Variants in AK5 observed in about 807,000 individuals in gnomAD.
AK5 encodes adenylate kinase isoenzyme 5.
AK5 carries 27 observed loss-of-function variants against 69.5 expected under a neutral mutation model. The observed-to-expected ratio is 0.39, with a 90% CI of 0.29 to 0.54. The LOEUF is 0.54. AK5 is among the 20% of genes least tolerant of loss of function. The pLI, the probability that AK5 is intolerant of heterozygous loss-of-function variation, is 0.71. For missense variants in AK5, 531 were observed against 700.4 expected (o/e 0.76, Z 2.73); for synonymous variants, 260 against 244.4 (o/e 1.06, Z -0.60).
At chr1:77,334,854 C>T (rs1661268912) in intron 5 of AK5, among the ~76,000 whole-genome samples, 1 of 152,000 alleles carries the variant, frequency 6.6e-6, no homozygotes, top group African/African-American at 2.4e-5. Context: ...GCCTCTTCCC[C>T]TGGGTGGGCC....
intron 2 of AK5, 138 bp from the exon 3 acceptor site, chr1:77,293,655 C>T (rs1190916236): frequency 2.9e-6 from 2 of 698,366 alleles, no homozygotes; most frequent in Non-Finnish European, 4.6e-6. Context: ...AGCCTGCTGA[C>T]CACTTAGGGA....
intron 10 of AK5, among the ~76,000 whole-genome samples, chr1:77,502,425 AT>A (rs775579480): frequency 6.6e-6 from 1 of 151,860 alleles, no homozygotes; most frequent in Non-Finnish European, 1.5e-5. Context: ...CTAACATCTC[AT>A]TGGTCAGGAG....
intron 13 of AK5, among the ~76,000 whole-genome samples, chr1:77,546,073 C>T (rs1262481053): frequency 3.3e-5 from 5 of 152,068 alleles, no homozygotes; most frequent in African/African-American, 4.8e-5. Flanking sequence ...CGTTTTGATT[C>T]GATGCAATAC....
At position 77,311,205 on chromosome 1, in the gene AK5, C is replaced by T. The variant is rs142550752; in HGVS notation, c.699+13258C>T. Among the ~76,000 whole-genome samples, 20 of 152,190 alleles carry T rather than the reference C, an allele frequency of 1.3e-4. 1 individual carries two copies. In the East Asian group the frequency reaches 3.5e-3, roughly 26 times the overall value. ...CACCTGCCTGCCAACTTAGAACATT[C>T]CTTTACTACACTGAGTTCTATTAAA... On this transcript the variant is annotated intron_variant, in intron 5 of 13. Transcript: ENST00000354567.
chr1:77,517,705 T>A (rs1657743582), intron 10 of AK5, among the ~76,000 whole-genome samples: 1 of 151,930 alleles, frequency 6.6e-6, no homozygotes, highest in Non-Finnish European at 1.5e-5. Context: ...AGGAAAAAAA[T>A]AAGGTAATAA....
chr1:77,328,355 C>T (rs1205852983), intron 5 of AK5, among the ~76,000 whole-genome samples: 2 of 152,002 alleles, frequency 1.3e-5, no homozygotes, highest in Non-Finnish European at 2.9e-5. Flanking sequence ...AAAAAATTAG[C>T]CGGGCGTGGT....
Position 77,434,113 on chromosome 1 carries a change from T to C in AK5, c.1059+16398T>C, listed in dbSNP as rs879915139. On this transcript the variant is annotated intron_variant, in intron 8 of 13. Transcript: ENST00000354567. ...AGAAAAATAGAGTGCAAAGCATAAATAAATAAATAAATAAATAAATAAATA... is the reference window on the plus strand; with the variant it reads ...AGAAAAATAGAGTGCAAAGCATAAACAAATAAATAAATAAATAAATAAATA... Among the ~76,000 whole-genome samples, 271 of 94,560 alleles carry C rather than the reference T, an allele frequency of 2.9e-3. No homozygotes were observed. In the East Asian group the frequency reaches 0.047, roughly 16 times the overall value. 62.0% of individuals were successfully genotyped at this position (94,560 alleles called of 152,430 possible).
chr1:77,502,104 T>C (rs1282503962), intron 10 of AK5, among the ~76,000 whole-genome samples: 1 of 152,150 alleles, frequency 6.6e-6, no homozygotes, highest in African/African-American at 2.4e-5. Flanking sequence ...TTTGAATCAG[T>C]TAGGATTTTG....
intron 8 of AK5, among the ~76,000 whole-genome samples, chr1:77,482,664 T>C (rs1003230882): frequency 6.6e-6 from 1 of 150,942 alleles, no homozygotes; most frequent in African/African-American, 2.4e-5. Flanking sequence ...TGCCAGGTAC[T>C]GGGGAGGCTG....
At chr1:77,336,859 T>C (rs1661389821) in intron 5 of AK5, among the ~76,000 whole-genome samples, 1 of 152,162 alleles carries the variant, frequency 6.6e-6, no homozygotes, top group Non-Finnish European at 1.5e-5. Context: ...GGTAATGGTA[T>C]TTTTTTCCTT....
intron 5 of AK5, among the ~76,000 whole-genome samples, chr1:77,302,543 A>G (rs912283060): frequency 5.3e-5 from 8 of 152,222 alleles, no homozygotes; most frequent in African/African-American, 1.9e-4. Context: ...AGGCTTGGGT[A>G]GAAAGGCAGC....
At chr1:77,458,103 TAAAAA>T (rs35612924) in intron 8 of AK5, among the ~76,000 whole-genome samples, 1 of 127,666 alleles carries the variant, frequency 7.8e-6, no homozygotes, top group Admixed American at 8.0e-5. Flanking sequence ...CCCCATTTCT[TAAAAA>T]AAAAAAAAAA....
intron 6 of AK5, among the ~76,000 whole-genome samples, chr1:77,389,389 T>C (rs1648263193): frequency 6.6e-6 from 1 of 152,168 alleles, no homozygotes; most frequent in South Asian, 2.1e-4. Flanking sequence ...TTTCTGTGCC[T>C]TGCTAATAGG....
intron 8 of AK5, among the ~76,000 whole-genome samples, chr1:77,452,053 C>T (rs1653191233): frequency 6.6e-6 from 1 of 152,168 alleles, no homozygotes; most frequent in African/African-American, 2.4e-5. Flanking sequence ...GGAAAATTGC[C>T]ATTATTTCTG....
At chr1:77,545,421 C>A (rs1659490942) in intron 13 of AK5, among the ~76,000 whole-genome samples, 1 of 152,108 alleles carries the variant, frequency 6.6e-6, no homozygotes, top group Non-Finnish European at 1.5e-5. Flanking sequence ...ATATTGTTTT[C>A]TTTTTAATAG....
At chr1:77,367,404 C>T (rs1646970151) in intron 6 of AK5, among the ~76,000 whole-genome samples, 1 of 150,142 alleles carries the variant, frequency 6.7e-6, no homozygotes, top group South Asian at 2.1e-4. Context: ...CCATGGCCCA[C>T]TGAGACCTCC....
intron 13 of AK5, among the ~76,000 whole-genome samples, chr1:77,557,876 G>T (rs769805687): frequency 2.0e-5 from 3 of 152,030 alleles, no homozygotes; most frequent in Non-Finnish European, 4.4e-5. Flanking sequence ...TAAAAATCCT[G>T]TGCTCTACCT....
At chr1:77,339,349 G>A (rs547979032) in intron 5 of AK5, among the ~76,000 whole-genome samples, 4 of 152,202 alleles carry the variant, frequency 2.6e-5, no homozygotes, top group Non-Finnish European at 5.9e-5. Context: ...GTCGTGCTAT[G>A]TTTTAAATGC....
At chr1:77,386,271 T>C (rs970866217) in intron 6 of AK5, among the ~76,000 whole-genome samples, 7 of 152,314 alleles carry the variant, frequency 4.6e-5, no homozygotes, top group African/African-American at 1.7e-4. Context: ...TTATTCAGGA[T>C]GGCAATATTA....
Sources: allele counts gnomAD v4.1 joint callset (sites outside exome capture counted in the v4.1 genomes callset), GRCh38; gene constraint gnomAD v4.1.1; transcripts MANE v1.5; gene names NCBI Gene and HGNC (gene_info 2026-07-23, HGNC 2026-07-21).